Variants in UBE2D3 observed in about 807,000 individuals in gnomAD.
The protein encoded by UBE2D3 is ubiquitin-conjugating enzyme E2 D3.
A neutral mutation model predicts 22.8 loss-of-function variants in UBE2D3; 2 were observed. The ratio of observed to expected loss-of-function variants is 0.09; its 90% CI spans 0.04 to 0.28. The LOEUF (loss-of-function observed/expected upper bound fraction) is 0.28. Among genes scored for constraint, UBE2D3 ranks in the 10% least tolerant of loss-of-function variants. UBE2D3 has a pLI of 1.00. For synonymous variants in UBE2D3, 56 were observed against 60.4 expected (o/e 0.93, Z 0.34); for missense variants, 27 against 182.5 (o/e 0.15, Z 4.91).
At chr4:102,803,447 C>CT (rs950932906) in intron 4 of UBE2D3, among the ~76,000 whole-genome samples, 2 of 152,180 alleles carry the variant, frequency 1.3e-5, no homozygotes. Flanking sequence ...ATATATGAGC[C>CT]TTTCACTATG....
chr4:102,833,470 T>G (rs1394524008), intron 1 of UBE2D3, among the ~76,000 whole-genome samples: 1 of 152,188 alleles, frequency 6.6e-6, no homozygotes, highest in Non-Finnish European at 1.5e-5. Flanking sequence ...TTAGTATAAG[T>G]GGGTATCAAG....
intron 1 of UBE2D3, among the ~76,000 whole-genome samples, chr4:102,867,726 G>A (rs1279626968): frequency 6.6e-6 from 1 of 152,132 alleles, no homozygotes; most frequent in African/African-American, 2.4e-5. Context: ...TTAAGCCGGA[G>A]TTAGAGTCTG....
chr4:102,806,857 C>T (rs1023768985), intron 4 of UBE2D3, among the ~76,000 whole-genome samples: 3 of 152,032 alleles, frequency 2.0e-5, no homozygotes, highest in African/African-American at 7.2e-5. Flanking sequence ...AAAAAACCCA[C>T]GCACACAAAA....
rs150350765 is a variant in UBE2D3 at position 102,858,357 on chromosome 4, A to G, written c.-129+10358T>C. Reference sequence around the variant, plus strand: ...TATTTGGGATTTTAAGTTTTGTTCTACCACCAGTGGTAGTTTAAGGCTTCT... The same window carrying G: ...TATTTGGGATTTTAAGTTTTGTTCTGCCACCAGTGGTAGTTTAAGGCTTCT... On this transcript the variant is annotated intron_variant, in intron 1 of 7. Coordinates refer to the UBE2D3 transcript ENST00000338145. Among the ~76,000 whole-genome samples, 7 of 152,094 alleles carry G rather than the reference A, an allele frequency of 4.6e-5. No homozygotes were observed. In the East Asian group the frequency reaches 7.7e-4, roughly 17 times the overall value.
Position 102,795,402 on chromosome 4 carries a change from G to A in UBE2D3, c.*2013C>T, listed in dbSNP as rs1158638191. On this transcript the variant is annotated 3_prime_UTR_variant, in exon 8 of 8. Coordinates refer to ENST00000453744, the MANE Select transcript of UBE2D3 (RefSeq NM_181891.3). The stretch of plus-strand genomic sequence containing the variant: ...CATCTCAGAAGTAATTTTGAAAATA[G>A]AGCCAAAGAGCAGTTTTTCTTACCT... 2.6e-5 allele frequency: 4 copies of A among 152,152 alleles called. No homozygotes were observed. The highest frequency in any genetic ancestry group is 7.2e-5 in the African/African-American group (3 of 41,558). 9.4% of individuals were successfully genotyped at this position (152,152 alleles called of 1,614,324 possible).
intron 1 of UBE2D3, among the ~76,000 whole-genome samples, chr4:102,849,765 A>T (rs1454631873): frequency 6.6e-6 from 1 of 152,230 alleles, no homozygotes; most frequent in African/African-American, 2.4e-5. Context: ...AATTAAAAAG[A>T]TTGACAATAC....
At chr4:102,824,416 G>A (rs569484075) in intron 2 of UBE2D3, among the ~76,000 whole-genome samples, 1 of 152,286 alleles carries the variant, frequency 6.6e-6, no homozygotes, top group African/African-American at 2.4e-5. Flanking sequence ...ACAAATCTAG[G>A]AACTTAAAAT....
intron 2 of UBE2D3, among the ~76,000 whole-genome samples, chr4:102,813,320 G>A (rs1180286268): frequency 2.0e-5 from 3 of 152,140 alleles, no homozygotes; most frequent in Admixed American, 6.5e-5. Context: ...TTAAGCAGCT[G>A]GAGTTGCAGG....
chr4:102,802,434 C>G (rs1726305250), intron 5 of UBE2D3, 127 bp downstream of exon 5: 1 of 631,848 alleles, frequency 1.6e-6, no homozygotes, highest in East Asian at 3.0e-5. Context: ...TAAGAGTCAG[C>G]ATCTATACAT....
intron 2 of UBE2D3, among the ~76,000 whole-genome samples, chr4:102,815,210 A>AT (rs553499251): frequency 5.2e-4 from 79 of 151,948 alleles, no homozygotes; most frequent in Admixed American, 6.6e-4. Context: ...CACCCGGCTA[A>AT]TTTTTTGTAT....
At chr4:102,827,892 C>T (rs2110340823), upstream of UBE2D3, 1 of 985,750 alleles carries the variant, frequency 1.0e-6, no homozygotes, top group African/African-American at 1.7e-5. Flanking sequence ...GAAGCAGCCG[C>T]TGCGCGATCC....
At chr4:102,853,735 C>T (rs989107596) in intron 1 of UBE2D3, among the ~76,000 whole-genome samples, 14 of 151,992 alleles carry the variant, frequency 9.2e-5, no homozygotes, top group Admixed American at 9.2e-4. Context: ...GAGACTGAAA[C>T]GCAAAACATC....
intron 7 of UBE2D3, among the ~76,000 whole-genome samples, chr4:102,798,540 G>C (rs896146480): frequency 6.6e-6 from 1 of 151,336 alleles, no homozygotes; most frequent in East Asian, 1.9e-4. Context: ...ATTTAGTTTA[G>C]ATGCTTAGGC....
rs893635578 is a variant in UBE2D3 at position 102,795,393 on chromosome 4, T to C, written c.*2022A>G. The C allele has an allele frequency of 2.0e-5, 3 of 152,240 alleles. No homozygotes were observed. Among genetic ancestry groups the C allele is most frequent in the African/African-American group, 4.8e-5 (2 of 41,588 alleles). 9.4% of individuals were successfully genotyped at this position (152,240 alleles called of 1,614,324 possible). A position where few individuals can be genotyped will look rare whatever the true frequency, so the allele number is the denominator to read the frequency against. ...GACTATATGCATCTCAGAAGTAATT[T>C]TGAAAATAGAGCCAAAGAGCAGTTT... On this transcript the variant is annotated 3_prime_UTR_variant, in exon 8 of 8. Coordinates refer to ENST00000453744, the MANE Select transcript of UBE2D3 (RefSeq NM_181891.3).
At chr4:102,855,124 C>T (rs1359275953) in intron 1 of UBE2D3, among the ~76,000 whole-genome samples, 1 of 152,194 alleles carries the variant, frequency 6.6e-6, no homozygotes, top group Non-Finnish European at 1.5e-5. Context: ...GATTTCAACA[C>T]AGATCCTTAC....
intron 6 of UBE2D3, among the ~76,000 whole-genome samples, chr4:102,799,842 G>A (rs1200525637): frequency 1.4e-5 from 2 of 140,842 alleles, no homozygotes; most frequent in Non-Finnish European, 3.1e-5. Context: ...TGGGGGGGGG[G>A]GGACTTTAGC....
chr4:102,847,822 T>A (rs542347361), intron 1 of UBE2D3, among the ~76,000 whole-genome samples: 34 of 151,778 alleles, frequency 2.2e-4, no homozygotes, highest in African/African-American at 6.5e-4. Context: ...TAAAAAAAAA[T>A]TTTTTTAGAG....
intron 1 of UBE2D3, chr4:102,868,667 G>A: frequency 6.2e-7 from 1 of 1,613,714 alleles, no homozygotes; most frequent in Non-Finnish European, 8.5e-7. Flanking sequence ...AACTGTAGGG[G>A]AAGAGGCGGG....
intron 1 of UBE2D3, among the ~76,000 whole-genome samples, chr4:102,866,565 G>A (rs145126629): frequency 6.6e-6 from 1 of 152,224 alleles, no homozygotes; most frequent in African/African-American, 2.4e-5. Flanking sequence ...TTAAATTGAG[G>A]TATGTATTTT....
Sources: gnomAD v4.1 joint callset for allele counts (sites outside exome capture counted in the v4.1 genomes callset) on GRCh38, gnomAD v4.1.1 for gene constraint, MANE v1.5 for transcripts, NCBI Gene and HGNC (gene_info 2026-07-23, HGNC 2026-07-21) for gene names.